The following ZNF831 variants were observed in gnomAD, a reference collection of about 807,000 sequenced individuals.
The protein encoded by ZNF831 is chromosome 20 open reading frame 174.
Under a neutral mutation model 95.8 loss-of-function variants are expected in ZNF831, and 59 were observed. The observed-to-expected ratio is 0.62, with a 90% CI of 0.50 to 0.77. The LOEUF is 0.77. ZNF831 is among the 30% of genes least tolerant of loss of function. ZNF831 has a pLI of 0.00. For missense variants in ZNF831, 2,205 were observed against 2,164.0 expected (o/e 1.02, Z -0.38); for synonymous variants, 961 against 925.5 (o/e 1.04, Z -0.70).
Position 59,125,412 on chromosome 20 carries a change from G to C in ZNF831, c.-1425+1907G>C, listed in dbSNP as rs1332284748. Among the ~76,000 whole-genome samples the C allele has an allele frequency of 3.3e-5, 5 of 152,174 alleles. No homozygotes were observed. The East Asian group carries it at 9.6e-4, about 29-fold the overall frequency. On this transcript the variant is annotated intron_variant, in intron 1 of 7. Transcript: ENST00000637017. Reference sequence around the variant, plus strand: ...GTGGCCCCAGCATCATCAGCATGGGGAGCTTGTGGGAAATGCAGACTCTGA... The same window carrying C: ...GTGGCCCCAGCATCATCAGCATGGGCAGCTTGTGGGAAATGCAGACTCTGA...
Position 59,206,907 on chromosome 20 carries a change from AC to A in ZNF831, c.3879del (p.Tyr1293Ter). ...QRKLKINPKR[Y>X]KGNFLQSCVQ... Reference sequence around the variant, plus strand: ...AAGCATGCTTCTCTCTTCTACAGGTACAAAGGGAATTTCTTGCAGAGCTGTG... The same window carrying A: ...AAGCATGCTTCTCTCTTCTACAGGTAAAAGGGAATTTCTTGCAGAGCTGTG... On this transcript the variant is annotated frameshift_variant, in exon 4 of 6. Coordinates refer to ENST00000371030, the MANE Select transcript of ZNF831 (RefSeq NM_178457.3). LOFTEE classifies it high-confidence loss of function. 6.2e-7 allele frequency: 1 copy of A among 1,613,790 alleles called. No individual in the cohort carries two copies. Among genetic ancestry groups the A allele is most frequent in the Non-Finnish European group, 8.5e-7 (1 of 1,179,894 alleles).
At chr20:59,151,952 C>A (rs1158596155) in intron 2 of ZNF831, among the ~76,000 whole-genome samples, 1 of 152,156 alleles carries the variant, frequency 6.6e-6, no homozygotes, top group Non-Finnish European at 1.5e-5. Context: ...GGCCATATAG[C>A]CTCAGCCACA....
chr20:59,227,481 G>A (rs986181698), intron 4 of ZNF831, among the ~76,000 whole-genome samples: 5 of 152,210 alleles, frequency 3.3e-5, no homozygotes, highest in Non-Finnish European at 7.4e-5. Flanking sequence ...GCTGGATATG[G>A]AGAAATGCCT....
At chr20:59,199,216 G>C (rs553550079) in intron 3 of ZNF831, among the ~76,000 whole-genome samples, 9 of 151,664 alleles carry the variant, frequency 5.9e-5, no homozygotes, top group Non-Finnish European at 1.3e-4. Flanking sequence ...TTGTCTTAAT[G>C]TTCTACAGAA....
chr20:59,124,299 G>A (rs554154927), intron 1 of ZNF831, among the ~76,000 whole-genome samples: 17 of 152,228 alleles, frequency 1.1e-4, no homozygotes, highest in Non-Finnish European at 2.1e-4. Context: ...GGTCTCATCT[G>A]GCCTCATATT....
chr20:59,127,959 T>G (rs1979228379), intron 1 of ZNF831, among the ~76,000 whole-genome samples: 1 of 152,222 alleles, frequency 6.6e-6, no homozygotes. Context: ...AGACACTCCT[T>G]CGCTGTAGCC....
In ZNF831 at chr20:59,217,162, C is replaced by CTCTGTGTGTGTG. The variant is rs375503499; in HGVS notation, c.4027+10107_4027+10108insCTGTGTGTGTGT. 2.7e-5 allele frequency among the ~76,000 whole-genome samples: 4 copies of CTCTGTGTGTGTG among 148,618 alleles called. No individual in the cohort carries two copies. Among genetic ancestry groups the CTCTGTGTGTGTG allele is most frequent in the East Asian group, 4.0e-4 (2 of 5,016 alleles). On this transcript the variant is annotated intron_variant, in intron 4 of 5. Transcript: ENST00000371030. This position sits in a 1 kb window ranked among gnomAD's most constrained non-coding sequence, Gnocchi z 4.4. Reference sequence around the variant, plus strand: ...GAGTACATCTGACAGATCTTCATCTCTGTGTGTGTGTGTGTGTGTGTGTGT... The same window carrying CTCTGTGTGTGTG: ...GAGTACATCTGACAGATCTTCATCTCTCTGTGTGTGTGTGTGTGTGTGTGTGTGTGTGTGTGT...
At chr20:59,222,270 G>A (rs1049457643) in intron 4 of ZNF831, among the ~76,000 whole-genome samples, 1 of 152,204 alleles carries the variant, frequency 6.6e-6, no homozygotes, top group East Asian at 1.9e-4. Flanking sequence ...GCCTCGGGAA[G>A]GCTGCAGGGT....
chr20:59,245,598 C>T (rs1987554167), intron 4 of ZNF831, among the ~76,000 whole-genome samples: 1 of 152,186 alleles, frequency 6.6e-6, no homozygotes, highest in Admixed American at 6.5e-5. Context: ...CCCTCCACTC[C>T]GAGTCAGGAC....
intron 1 of ZNF831, among the ~76,000 whole-genome samples, chr20:59,184,402 C>T (rs1402907903): frequency 6.7e-6 from 1 of 149,898 alleles, no homozygotes; most frequent in African/African-American, 2.5e-5. Flanking sequence ...CCTCTTCCTC[C>T]CTCCCCCCTT....
intron 4 of ZNF831, among the ~76,000 whole-genome samples, chr20:59,229,851 G>C (rs1986631770): frequency 6.6e-6 from 1 of 152,150 alleles, no homozygotes; most frequent in African/African-American, 2.4e-5. Context: ...CCTTTCAAAA[G>C]CTCTCTGGAG....
intron 1 of ZNF831, among the ~76,000 whole-genome samples, chr20:59,180,357 A>ACTTT (rs1982516251): frequency 6.6e-6 from 1 of 152,024 alleles, no homozygotes; most frequent in Admixed American, 6.6e-5. Context: ...AATCTTTTTT[A>ACTTT]TTTTTTATTT....
At chr20:59,241,674 T>G (rs1382724588) in intron 4 of ZNF831, among the ~76,000 whole-genome samples, 1 of 152,230 alleles carries the variant, frequency 6.6e-6, no homozygotes, top group African/African-American at 2.4e-5. Flanking sequence ...TCTTTCCTCT[T>G]TATCTCAGTC....
intron 1 of ZNF831, among the ~76,000 whole-genome samples, chr20:59,184,630 G>C (rs1982870743): frequency 6.6e-6 from 1 of 152,142 alleles, no homozygotes; most frequent in African/African-American, 2.4e-5. Flanking sequence ...TGGTGGTCCA[G>C]GATGAACGGA....
intron 4 of ZNF831, among the ~76,000 whole-genome samples, chr20:59,230,218 A>G (rs2146695168): frequency 6.6e-6 from 1 of 152,338 alleles, no homozygotes; most frequent in Admixed American, 6.5e-5. Context: ...TGTCTCTGCT[A>G]GCCATGCTGT....
rs755172472 is a variant in ZNF831 at position 59,254,168 on chromosome 20, G to T, written c.4459G>T (p.Ala1487Ser). 1 of 1,614,024 alleles carries T rather than the reference G, an allele frequency of 6.2e-7. No homozygotes were observed. Among genetic ancestry groups the T allele is most frequent in the South Asian group, 1.1e-5 (1 of 91,068 alleles). Residue 1487 changes from alanine (A) to serine (S), a missense_variant, in exon 6 of 6, where the codon GCT becomes TCT. By Grantham distance (99) the Ala-to-Ser change is moderately conservative. Coordinates refer to ENST00000371030, the MANE Select transcript of ZNF831 (RefSeq NM_178457.3). This position sits in a 1 kb window ranked among gnomAD's most constrained non-coding sequence, Gnocchi z 4.5. The part of the protein sequence containing the change: ...SKGTFPHHDI[A>S]TSVAAVCISL... ...AGGAACTTTTCCCCACCATGACATT[G>T]CTACCTCTGTGGCTGCCGTTTGTAT...
At chr20:59,148,714 A>AAAAAAAAAAAT (rs1980037936) in intron 2 of ZNF831, among the ~76,000 whole-genome samples, 1 of 113,940 alleles carries the variant, frequency 8.8e-6, no homozygotes, top group Non-Finnish European at 2.1e-5. Context: ...AAAAAAAAAA[A>AAAAAAAAAAAT]AAAAAAAAAA....
At chr20:59,138,305 TG>T (rs1198336955) in intron 1 of ZNF831, among the ~76,000 whole-genome samples, 1 of 152,204 alleles carries the variant, frequency 6.6e-6, no homozygotes, top group Non-Finnish European at 1.5e-5. Context: ...GGGGCATGAC[TG>T]GGCTTTAGGA....
chr20:59,135,860 A>G (rs1190837400), intron 1 of ZNF831, among the ~76,000 whole-genome samples: 1 of 152,178 alleles, frequency 6.6e-6, no homozygotes, highest in Non-Finnish European at 1.5e-5. Context: ...GCACCAACCC[A>G]ATACTTGGGA....
Sources: gnomAD v4.1 joint callset for allele counts (sites outside exome capture counted in the v4.1 genomes callset) on GRCh38, gnomAD v4.1.1 for gene constraint, Gnocchi (gnomAD v3.1) non-coding constraint, MANE v1.5 for transcripts, NCBI Gene and HGNC (gene_info 2026-07-23, HGNC 2026-07-21) for gene names.